Variants in SLC9C1 observed in about 807,000 individuals in gnomAD.
SLC9C1 encodes solute carrier family 9 member C1.
SLC9C1 carries 97 observed loss-of-function variants against 140.9 expected under a neutral mutation model. That is an observed-to-expected ratio of 0.69 (90% CI 0.58 to 0.82). SLC9C1 has a LOEUF of 0.82. SLC9C1 is among the 40% of genes least tolerant of loss of function. The probability of loss-of-function intolerance (pLI) is 0.00; values close to 1 mark genes in which losing one functional copy is unlikely to be tolerated. For synonymous variants in SLC9C1, 440 were observed against 442.6 expected, an observed-to-expected ratio of 0.99 and a Z score of 0.07; for missense variants, 1,340 against 1,389.3, an observed-to-expected ratio of 0.96 and a Z score of 0.56.
At chr3:112,213,194 C>T (rs1239927843) in intron 15 of SLC9C1, among the ~76,000 whole-genome samples, 1 of 152,164 alleles carries the variant, frequency 6.6e-6, no homozygotes, top group East Asian at 1.9e-4. Context: ...CCTACAAGAG[C>T]TCCTGAAGGA....
chr3:112,259,251 C>G (rs957417662), intron 10 of SLC9C1, among the ~76,000 whole-genome samples: 3 of 151,766 alleles, frequency 2.0e-5, no homozygotes, highest in African/African-American at 7.3e-5. Flanking sequence ...ATGATGAGAA[C>G]ATATGGACAC....
chr3:112,279,879 T>C (rs1302962745), intron 3 of SLC9C1, among the ~76,000 whole-genome samples: 3 of 152,222 alleles, frequency 2.0e-5, no homozygotes, highest in African/African-American at 4.8e-5. Context: ...GCTGGGATCA[T>C]GAAACTGGCA....
intron 25 of SLC9C1, among the ~76,000 whole-genome samples, chr3:112,168,154 A>C (rs1369326535): frequency 7.5e-6 from 1 of 134,170 alleles, no homozygotes; most frequent in Non-Finnish European, 1.6e-5. Context: ...TCTCTTGAGG[A>C]TAAGTTGTAA....
intron 5 of SLC9C1, 29 bp downstream of exon 5, chr3:112,277,664 TAA>T: frequency 2.1e-6 from 3 of 1,460,526 alleles, no homozygotes; most frequent in Non-Finnish European, 2.7e-6. Flanking sequence ...TATGATATTA[TAA>T]ATATAGAAAA....
chr3:112,150,427 A>T (rs1316427167), intron 28 of SLC9C1, among the ~76,000 whole-genome samples: 1 of 151,936 alleles, frequency 6.6e-6, no homozygotes, highest in Non-Finnish European at 1.5e-5. Context: ...TCTCTCATAT[A>T]CTGGGGCTTC....
intron 23 of SLC9C1, among the ~76,000 whole-genome samples, chr3:112,169,918 G>A (rs745892012): frequency 5.9e-5 from 9 of 151,834 alleles, no homozygotes; most frequent in Non-Finnish European, 1.3e-4. Context: ...AATGGTATTG[G>A]GAAAATTTGA....
chr3:112,184,973 A>G (rs1165418999), intron 20 of SLC9C1, among the ~76,000 whole-genome samples: 2 of 152,140 alleles, frequency 1.3e-5, no homozygotes, highest in East Asian at 1.9e-4. Context: ...GAAAGGGGGA[A>G]GAGATTCTCC....
At chr3:112,238,806 G>T (rs992073690) in intron 12 of SLC9C1, among the ~76,000 whole-genome samples, 5 of 152,176 alleles carry the variant, frequency 3.3e-5, no homozygotes, top group African/African-American at 9.6e-5. Flanking sequence ...CTGTCTGATT[G>T]TTCCTCTGGA....
At chr3:112,184,757 G>A (rs947456724) in intron 20 of SLC9C1, among the ~76,000 whole-genome samples, 25 of 152,198 alleles carry the variant, frequency 1.6e-4, no homozygotes, top group Non-Finnish European at 3.2e-4. Context: ...GCCCCCAGCC[G>A]GACCCCCTGA....
At chr3:112,212,576 C>A in intron 15 of SLC9C1, among the ~76,000 whole-genome samples, 1 of 151,954 alleles carries the variant, frequency 6.6e-6, no homozygotes. Flanking sequence ...CTTCAGTAGC[C>A]AATTAGATCA....
At chr3:112,183,344 C>CTTTTTTTTTTT (rs1159788975) in intron 20 of SLC9C1, among the ~76,000 whole-genome samples, 10 of 20,940 alleles carry the variant, frequency 4.8e-4, no homozygotes, top group African/African-American at 7.0e-4. Flanking sequence ...TATTTAGCAC[C>CTTTTTTTTTTT]TTTTCTTTTT....
chr3:112,189,178 T>A (rs1433394473), intron 20 of SLC9C1, among the ~76,000 whole-genome samples: 1 of 152,256 alleles, frequency 6.6e-6, no homozygotes, highest in African/African-American at 2.4e-5. Flanking sequence ...ATTCTGTAAG[T>A]TGCCTGTTCA....
rs957245244 is a variant in SLC9C1 at position 112,224,956 on chromosome 3, A to C, written c.1573-3731T>G. Among the ~76,000 whole-genome samples, 13 of 152,162 alleles carry C rather than the reference A, an allele frequency of 8.5e-5. No homozygotes were observed. In the East Asian group the frequency reaches 2.5e-3, roughly 29 times the overall value. ...AGAAGGAGAAGAGATGGGAAAAGGC[A>C]TAGAAAACATATTTAATAAAGTAAT... On this transcript the variant is annotated intron_variant, in intron 13 of 28. Transcript: ENST00000305815.
intron 13 of SLC9C1, among the ~76,000 whole-genome samples, chr3:112,224,652 A>ATTGTATT (rs1362667424): frequency 2.6e-5 from 4 of 152,158 alleles, no homozygotes; most frequent in African/African-American, 9.6e-5. Context: ...GAATGAAAAA[A>ATTGTATT]TACAATTGAG....
intron 10 of SLC9C1, among the ~76,000 whole-genome samples, chr3:112,253,246 A>C (rs1305737504): frequency 1.3e-5 from 2 of 152,184 alleles, no homozygotes; most frequent in Admixed American, 1.3e-4. Flanking sequence ...TGCTAAGGTC[A>C]TTTCCACTGT....
chr3:112,238,444 T>G (rs1412336072), intron 12 of SLC9C1, among the ~76,000 whole-genome samples: 1 of 152,218 alleles, frequency 6.6e-6, no homozygotes, highest in African/African-American at 2.4e-5. Flanking sequence ...TCTGAAGCCT[T>G]CTTCTCTCAA....
intron 12 of SLC9C1, among the ~76,000 whole-genome samples, chr3:112,231,787 CAA>C (rs2078837185): frequency 6.6e-6 from 1 of 152,132 alleles, no homozygotes; most frequent in African/African-American, 2.4e-5. Flanking sequence ...TAGCAGTTTT[CAA>C]AGTGTGGTCT....
intron 20 of SLC9C1, chr3:112,185,427 G>GA: frequency 3.7e-6 from 5 of 1,359,612 alleles, no homozygotes; most frequent in Non-Finnish European, 5.1e-6. Flanking sequence ...GGGGTGGGGG[G>GA]GTCTCAGCCC....
intron 21 of SLC9C1, among the ~76,000 whole-genome samples, chr3:112,181,821 A>G (rs189974156): frequency 6.6e-6 from 1 of 152,334 alleles, no homozygotes; most frequent in East Asian, 1.9e-4. Context: ...GCATTTCAAG[A>G]AAAGTAAATA....
Sources: allele counts gnomAD v4.1 joint callset (sites outside exome capture counted in the v4.1 genomes callset), GRCh38; gene constraint gnomAD v4.1.1; transcripts MANE v1.5; gene names NCBI Gene and HGNC (gene_info 2026-07-23, HGNC 2026-07-21).